CAB39L: variants seen among roughly 807,000 people sequenced by gnomAD.
CAB39L encodes the protein calcium binding protein 39 like, also known as calcium-binding protein 39-like.
A neutral mutation model predicts 39.1 loss-of-function variants in CAB39L; 23 were observed. The observed-to-expected ratio is 0.59, with a 90% CI of 0.42 to 0.83. The LOEUF is 0.83. Ranked by LOEUF, CAB39L falls within the 40% of genes least tolerant of loss-of-function variation. The pLI is 0.00. For synonymous variants in CAB39L, 126 were observed against 137.2 expected (o/e 0.92, Z 0.57); for missense variants, 366 against 391.9 (o/e 0.93, Z 0.56).
chr13:49,345,767 C>G (rs1955134107), intron 7 of CAB39L, among the ~76,000 whole-genome samples: 1 of 151,936 alleles, frequency 6.6e-6, no homozygotes, highest in South Asian at 2.1e-4. Context: ...ATTGCTGCAC[C>G]CATGGGAGTT....
At position 49,359,712 on chromosome 13, in the gene CAB39L, A is replaced by G. The variant is rs1468739936; in HGVS notation, c.395+2T>C. The G allele has an allele frequency of 3.3e-6, 5 of 1,528,606 alleles. No homozygotes were observed. Among genetic ancestry groups the G allele is most frequent in the Non-Finnish European group, 4.5e-6 (5 of 1,105,654 alleles). 94.7% of individuals were successfully genotyped at this position (1,528,606 alleles called of 1,614,324 possible). A position where few individuals can be genotyped will look rare whatever the true frequency, so the allele number is the denominator to read the frequency against. Reference sequence around the variant, plus strand: ...CTACTTGAAAGGAAGCCATGTACCTACCCTTTGAGGAGCATAAACAGGATA... The same window carrying G: ...CTACTTGAAAGGAAGCCATGTACCTGCCCTTTGAGGAGCATAAACAGGATA... On this transcript the variant is annotated splice_donor_variant, in intron 6 of 10. Coordinates refer to ENST00000409308, the MANE Select transcript of CAB39L (RefSeq NM_001079670.3). LOFTEE classifies it high-confidence loss of function.
At chr13:49,357,344 T>C (rs1593978974) in intron 6 of CAB39L, among the ~76,000 whole-genome samples, 1 of 152,296 alleles carries the variant, frequency 6.6e-6, no homozygotes, top group East Asian at 1.9e-4. Context: ...CTCATAGTAT[T>C]GGAAAGTAAA....
intron 3 of CAB39L, among the ~76,000 whole-genome samples, chr13:49,416,337 A>G (rs1455847103): frequency 6.6e-6 from 1 of 152,220 alleles, no homozygotes; most frequent in African/African-American, 2.4e-5. Flanking sequence ...CGGCTAACAC[A>G]AAAACCCCAG....
At position 49,396,564 on chromosome 13, in the gene CAB39L, C is replaced by T. The variant is rs545500553; in HGVS notation, c.-31-13623G>A. On this transcript the variant is annotated intron_variant, in intron 3 of 10. Coordinates refer to ENST00000409308, the MANE Select transcript of CAB39L (RefSeq NM_001079670.3). ...TCTCTACTAAAATACAAAAATTAGCCGGGTGTGGTGGCAGGCGCCTGTAAT... is the reference window on the plus strand; with the variant it reads ...TCTCTACTAAAATACAAAAATTAGCTGGGTGTGGTGGCAGGCGCCTGTAAT... 3.9e-5 allele frequency among the ~76,000 whole-genome samples: 6 copies of T among 152,000 alleles called. No individual in the cohort carries two copies. The East Asian group carries it at 7.7e-4, about 20-fold the overall frequency.
chr13:49,311,944 C>T (rs574093463), intron 10 of CAB39L, among the ~76,000 whole-genome samples: 1 of 152,138 alleles, frequency 6.6e-6, no homozygotes, highest in Non-Finnish European at 1.5e-5. Flanking sequence ...CCCAGGCTGA[C>T]GTGCAGTGGC....
chr13:49,422,428 G>T (rs1957184328), intron 3 of CAB39L, among the ~76,000 whole-genome samples: 1 of 152,170 alleles, frequency 6.6e-6, no homozygotes, highest in Non-Finnish European at 1.5e-5. Flanking sequence ...CAAAAAGTTA[G>T]TTGGGCATAA....
intron 5 of CAB39L, among the ~76,000 whole-genome samples, chr13:49,362,882 G>T (rs1346001418): frequency 6.6e-6 from 1 of 152,170 alleles, no homozygotes; most frequent in African/African-American, 2.4e-5. Context: ...CAATGGAGCT[G>T]CAATATATCT....
chr13:49,434,290 T>G (rs1359274770), intron 1 of CAB39L, 67 bp from the exon 2 acceptor site: 2 of 396,242 alleles, frequency 5.0e-6, no homozygotes, highest in African/African-American at 4.2e-5. Flanking sequence ...AATCTCAATC[T>G]TCTACTTAGT....
At chr13:49,390,450 A>G (rs988919510) in intron 3 of CAB39L, among the ~76,000 whole-genome samples, 1 of 152,140 alleles carries the variant, frequency 6.6e-6, no homozygotes, top group African/African-American at 2.4e-5. Context: ...AGAAAGTCAT[A>G]TCAGCTGCCA....
intron 3 of CAB39L, among the ~76,000 whole-genome samples, chr13:49,400,967 T>A (rs1470115114): frequency 6.6e-6 from 1 of 152,038 alleles, no homozygotes; most frequent in Non-Finnish European, 1.5e-5. Flanking sequence ...GTAGTTTTTT[T>A]AAACCTCTCC....
intron 5 of CAB39L, among the ~76,000 whole-genome samples, chr13:49,375,668 G>T (rs1202257680): frequency 6.6e-6 from 1 of 151,942 alleles, no homozygotes; most frequent in Non-Finnish European, 1.5e-5. Flanking sequence ...AGCGGGGAGG[G>T]ATAGCATAAG....
chr13:49,425,919 C>T (rs1410578819), intron 3 of CAB39L, among the ~76,000 whole-genome samples: 10 of 152,164 alleles, frequency 6.6e-5, no homozygotes, highest in Admixed American at 6.5e-4. Flanking sequence ...TTCTGCTAAG[C>T]AGTTTTCTCA....
chr13:49,421,155 A>G (rs538595746), intron 3 of CAB39L, among the ~76,000 whole-genome samples: 1 of 152,318 alleles, frequency 6.6e-6, no homozygotes, highest in South Asian at 2.1e-4. Context: ...TGGTGAAGCC[A>G]GCAACCCAGG....
chr13:49,334,559 G>A (rs1244237782), intron 9 of CAB39L, among the ~76,000 whole-genome samples: 2 of 152,180 alleles, frequency 1.3e-5, no homozygotes, highest in Non-Finnish European at 1.5e-5. Flanking sequence ...CTTCGGGAAA[G>A]CCTTTCCTCT....
At chr13:49,412,776 A>C (rs923085594) in intron 3 of CAB39L, 1 of 152,100 alleles carries the variant, frequency 6.6e-6, no homozygotes, top group African/African-American at 2.4e-5. Flanking sequence ...TTAGAGTCTC[A>C]TAAGGAGCCT....
At position 49,310,928 on chromosome 13, in the gene CAB39L, T is replaced by C; in HGVS notation, c.900A>G (p.Lys300=). The C allele has an allele frequency of 3.7e-6, 6 of 1,614,052 alleles. No individual in the cohort carries two copies. The highest frequency in any genetic ancestry group is 5.1e-6 in the Non-Finnish European group (6 of 1,180,016). Residue 300 remains lysine, a synonymous_variant, in exon 11 of 11, where the codon AAA becomes AAG. Coordinates refer to ENST00000409308, the MANE Select transcript of CAB39L (RefSeq NM_001079670.3). ...IVEILLKNQP[K]LIEFLSSFQK... is the part of the protein sequence containing the mutation. ...GGAAGCTGCTCAGAAACTCAATGAG[T>C]TTGGGCTGATTTTTTAACAGGATCT...
rs947524777 is a variant in CAB39L, at chr13:49,440,704, T to C, written c.-246+3282A>G. Reference sequence around the variant, plus strand: ...GATCTTTCACTTCCTTGGTTAGAGGTATTCCTAGGCAGTGTGTGTGTGTGT... The same window carrying C: ...GATCTTTCACTTCCTTGGTTAGAGGCATTCCTAGGCAGTGTGTGTGTGTGT... On this transcript the variant is annotated intron_variant, in intron 1 of 10. Transcript: ENST00000409308. Among the ~76,000 whole-genome samples, 8 of 143,242 alleles carry C rather than the reference T, an allele frequency of 5.6e-5. No individual in the cohort carries two copies. The Admixed American group carries it at 5.8e-4, about 10-fold the overall frequency. 94.0% of individuals were successfully genotyped at this position (143,242 alleles called of 152,430 possible).
At chr13:49,321,992 T>G (rs1413660760) in intron 10 of CAB39L, among the ~76,000 whole-genome samples, 1 of 152,248 alleles carries the variant, frequency 6.6e-6, no homozygotes, top group African/African-American at 2.4e-5. Flanking sequence ...ACAGCTTTAT[T>G]AAAATTCAGA....
intron 10 of CAB39L, among the ~76,000 whole-genome samples, chr13:49,313,537 C>T (rs1322219016): frequency 2.0e-5 from 3 of 151,892 alleles, no homozygotes; most frequent in Non-Finnish European, 4.4e-5. Flanking sequence ...TACGTCAACT[C>T]AGCAGGTCTG....
Sources: allele counts gnomAD v4.1 joint callset (sites outside exome capture counted in the v4.1 genomes callset), GRCh38; gene constraint gnomAD v4.1.1; transcripts MANE v1.5; gene names NCBI Gene and HGNC (gene_info 2026-07-23, HGNC 2026-07-21).